RIT2: variants seen among roughly 807,000 people sequenced by gnomAD.
RIT2 encodes the protein Ras like without CAAX 2.
RIT2 carries 24 observed loss-of-function variants against 23.7 expected under a neutral mutation model. That is an observed-to-expected ratio of 1.01 (90% CI 0.73 to 1.43). RIT2 has a LOEUF of 1.43. Among genes scored for constraint, RIT2 ranks in the 40% most tolerant of loss-of-function variants. The pLI is 0.00. For synonymous variants in RIT2, 107 were observed against 91.1 expected (o/e 1.17, Z -0.99); for missense variants, 236 against 266.9 (o/e 0.88, Z 0.81).
intron 1 of RIT2, among the ~76,000 whole-genome samples, chr18:43,059,482 A>C (rs548042289): frequency 1.1e-4 from 17 of 152,238 alleles, no homozygotes; most frequent in Non-Finnish European, 1.9e-4. Context: ...TATACATGAG[A>C]AATTGGACTA....
chr18:42,885,515 G>A (rs909527336), intron 4 of RIT2, among the ~76,000 whole-genome samples: 4 of 152,166 alleles, frequency 2.6e-5, no homozygotes, highest in African/African-American at 7.2e-5. Flanking sequence ...GAACCTGGGA[G>A]GCAGAGCTTG....
chr18:42,891,413 T>C (rs929276627), intron 4 of RIT2, among the ~76,000 whole-genome samples: 1 of 152,194 alleles, frequency 6.6e-6, no homozygotes, highest in Non-Finnish European at 1.5e-5. Context: ...ATCTTATTTA[T>C]ATAGAAAATA....
intron 1 of RIT2, among the ~76,000 whole-genome samples, chr18:43,048,871 T>C (rs1419169393): frequency 6.6e-6 from 1 of 152,200 alleles, no homozygotes; most frequent in African/African-American, 2.4e-5. Flanking sequence ...TATATTATCA[T>C]GGGAATGCCA....
In RIT2 at chr18:42,949,594, A is replaced by T. The variant is rs566557817; in HGVS notation, c.234+24480T>A. ...GGTTGTAGTTTTTGCAGTCTTTTTC[A>T]GTATCAGCTATACAAGTATGAGAAA... On this transcript the variant is annotated intron_variant, in intron 3 of 4. Transcript: ENST00000326695. 3.3e-5 allele frequency among the ~76,000 whole-genome samples: 5 copies of T among 152,178 alleles called. No homozygotes were observed. In the South Asian group the frequency reaches 1.0e-3, roughly 32 times the overall value.
intron 4 of RIT2, among the ~76,000 whole-genome samples, chr18:42,820,006 T>C (rs1465949823): frequency 6.6e-6 from 1 of 152,136 alleles, no homozygotes; most frequent in African/African-American, 2.4e-5. Context: ...AGGTTACTTA[T>C]AATACCAATA....
rs181227357 is a variant in RIT2 at position 43,005,511 on chromosome 18, C to T, written c.160+28300G>A. Among the ~76,000 whole-genome samples, 5 of 151,810 alleles carry T rather than the reference C, an allele frequency of 3.3e-5. No homozygotes were observed. The East Asian group carries it at 9.7e-4, about 30-fold the overall frequency. ...ATCTATTTTCCATTAGGAGAACTCA[C>T]TTAATTACTCTAAAGTAAGTCTCCT... On this transcript the variant is annotated intron_variant, in intron 2 of 4. Transcript: ENST00000326695.
intron 1 of RIT2, among the ~76,000 whole-genome samples, chr18:43,082,211 T>G (rs780274124): frequency 6.6e-6 from 1 of 152,176 alleles, no homozygotes; most frequent in Non-Finnish European, 1.5e-5. Flanking sequence ...TGTAATGTAG[T>G]TTTTATTTCT....
intron 3 of RIT2, 87 bp from the exon 4 acceptor site, chr18:42,923,850 A>T (rs112818693): frequency 0.023 from 24,888 of 1,086,716 alleles, 577 homozygotes; most frequent in African/African-American, 0.093. Context: ...ATGAAATTTG[A>T]ATGTTTTAAA....
At chr18:43,093,236 G>T (rs570673636) in intron 1 of RIT2, among the ~76,000 whole-genome samples, 1 of 151,666 alleles carries the variant, frequency 6.6e-6, no homozygotes, top group South Asian at 2.1e-4. Flanking sequence ...AGGCTACTGT[G>T]GTATTTCTTG....
chr18:42,957,440 C>T (rs1322287368), intron 3 of RIT2, among the ~76,000 whole-genome samples: 1 of 152,146 alleles, frequency 6.6e-6, no homozygotes, highest in Non-Finnish European at 1.5e-5. Context: ...TTTCAAATTA[C>T]TCAACTTGGT....
At chr18:42,876,210 T>C (rs1399934094) in intron 4 of RIT2, among the ~76,000 whole-genome samples, 3 of 152,052 alleles carry the variant, frequency 2.0e-5, no homozygotes, top group African/African-American at 7.2e-5. Flanking sequence ...AGAAGTGAGA[T>C]GATGAATATA....
chr18:43,081,626 A>G (rs1913160033), intron 1 of RIT2, among the ~76,000 whole-genome samples: 1 of 152,130 alleles, frequency 6.6e-6, no homozygotes, highest in Non-Finnish European at 1.5e-5. Context: ...CTAGGGTATC[A>G]AGAGGCTGAG....
intron 2 of RIT2, among the ~76,000 whole-genome samples, chr18:42,991,791 C>G (rs916666672): frequency 6.6e-6 from 1 of 152,168 alleles, no homozygotes; most frequent in African/African-American, 2.4e-5. Context: ...AACAACCCCC[C>G]TTTGACTGTA....
In RIT2 at chr18:43,020,700, G is replaced by T. The variant is rs78772717; in HGVS notation, c.160+13111C>A. On this transcript the variant is annotated intron_variant, in intron 2 of 4. Transcript: ENST00000326695. ...GGAAGCAAAATGGAGCACCCAGAAA[G>T]AAATCCACAAATTTATAGCCAATTG... 5.8e-3 allele frequency among the ~76,000 whole-genome samples: 886 copies of T among 152,118 alleles called. 12 individuals carry two copies. Among genetic ancestry groups the T allele is most frequent in the African/African-American group, 0.02 (843 of 41,514 alleles).
At position 42,743,870 on chromosome 18, in the gene RIT2, C is replaced by T. The variant is rs60270965; in HGVS notation, c.427-150G>A. 208 of 610,230 alleles carry T rather than the reference C, an allele frequency of 3.4e-4. 1 individual carries two copies. In the East Asian group the frequency reaches 5.7e-3, roughly 17 times the overall value. The allele number at this position is 610,230 out of a possible 1,614,324, so 37.8% of individuals were successfully genotyped here. A position where few individuals can be genotyped will look rare whatever the true frequency, so the allele number is the denominator to read the frequency against. ...ACTTGCAGGTATACGCCCAGATGGC[C>T]TGAAGTAACTGAAGAATCACAAAAG... On this transcript the variant is annotated intron_variant, in intron 4 of 4. Coordinates refer to ENST00000326695, the MANE Select transcript of RIT2 (RefSeq NM_002930.4).
intron 4 of RIT2, among the ~76,000 whole-genome samples, chr18:42,795,448 C>T (rs900518526): frequency 2.9e-4 from 44 of 152,222 alleles, no homozygotes; most frequent in African/African-American, 1.0e-3. Context: ...GATTTCTCAC[C>T]GGGACTTAGC....
intron 4 of RIT2, among the ~76,000 whole-genome samples, chr18:42,908,902 G>A (rs985459267): frequency 2.0e-5 from 3 of 152,010 alleles, no homozygotes; most frequent in Non-Finnish European, 4.4e-5. Context: ...CAACCACTAC[G>A]GAAAACGGTA....
At chr18:42,832,007 C>T (rs902086160) in intron 4 of RIT2, among the ~76,000 whole-genome samples, 1 of 152,120 alleles carries the variant, frequency 6.6e-6, no homozygotes, top group African/African-American at 2.4e-5. Context: ...CCACACAGAC[C>T]CAAGCCACAA....
intron 4 of RIT2, among the ~76,000 whole-genome samples, chr18:42,790,456 T>A (rs1007632666): frequency 1.3e-5 from 2 of 152,226 alleles, no homozygotes; most frequent in African/African-American, 4.8e-5. Flanking sequence ...TATTTTTATT[T>A]TTTTGAGACG....
Sources: allele counts gnomAD v4.1 joint callset (sites outside exome capture counted in the v4.1 genomes callset), GRCh38; gene constraint gnomAD v4.1.1; transcripts MANE v1.5; gene names NCBI Gene and HGNC (gene_info 2026-07-23, HGNC 2026-07-21).